The following NRXN1 variants were observed in gnomAD, a reference collection of about 807,000 sequenced individuals.
The protein encoded by NRXN1 is neurexin 1, also known as neurexin-1.
In NRXN1, 39 loss-of-function variants were observed where a neutral mutation model predicts 150.9. The observed-to-expected ratio is 0.26, with a 90% CI of 0.20 to 0.34. NRXN1 has a LOEUF of 0.34. Among genes scored for constraint, NRXN1 ranks in the 10% least tolerant of loss-of-function variants. The pLI is 1.00. For missense variants in NRXN1, 1,815 were observed against 1,949.9 expected, an observed-to-expected ratio of 0.93 and a Z score of 1.30; for synonymous variants, 924 against 757.0, an observed-to-expected ratio of 1.22 and a Z score of -3.62.
intron 18 of NRXN1, among the ~76,000 whole-genome samples, chr2:50,111,500 C>T (rs1048703845): frequency 6.0e-4 from 91 of 151,998 alleles, no homozygotes; most frequent in African/African-American, 2.1e-3. Context: ...TTAGCAGGGC[C>T]TGGTGGTATG....
At chr2:50,557,320 C>A (rs1558933372) in intron 8 of NRXN1, among the ~76,000 whole-genome samples, 1 of 152,132 alleles carries the variant, frequency 6.6e-6, no homozygotes, top group Non-Finnish European at 1.5e-5. Flanking sequence ...CTTTTCATTA[C>A]TTAACTATGG....
In NRXN1 at chr2:50,850,252, T is replaced by C. The variant is rs865944030; in HGVS notation, c.832+71617A>G. On this transcript the variant is annotated intron_variant, in intron 5 of 22. Transcript: ENST00000401669. ...GACAGAAAAAAAAAAAAAAAAAAGG[T>C]GTTTTGTTGTTGTTGCTGTTGTTTG... Among the ~76,000 whole-genome samples, 7 of 136,126 alleles carry C rather than the reference T, an allele frequency of 5.1e-5. No individual in the cohort carries two copies. In the East Asian group the frequency reaches 1.5e-3, roughly 30 times the overall value. The allele number at this position is 136,126 out of a possible 152,430, so 89.3% of individuals were successfully genotyped here.
chr2:50,739,267 T>C, intron 5 of NRXN1: 1 of 505,660 alleles, frequency 2.0e-6, no homozygotes, highest in East Asian at 5.6e-5. Context: ...GACTTACTTT[T>C]TGATTAAAAA....
In NRXN1 at chr2:50,895,805, C is replaced by T. The variant is rs560104639; in HGVS notation, c.832+26064G>A. Among the ~76,000 whole-genome samples, 10 of 152,056 alleles carry T rather than the reference C, an allele frequency of 6.6e-5. No homozygotes were observed. In the East Asian group the frequency reaches 1.9e-3, roughly 30 times the overall value. On this transcript the variant is annotated intron_variant, in intron 5 of 22. Transcript: ENST00000401669. ...ATGTCAGCCAGGCTTGTCCCAAACT[C>T]CTGATCTCAAGTAATCCACCCTCAT...
At chr2:50,843,328 G>A (rs1050430520) in intron 5 of NRXN1, among the ~76,000 whole-genome samples, 1 of 151,968 alleles carries the variant, frequency 6.6e-6, no homozygotes, top group Non-Finnish European at 1.5e-5. Flanking sequence ...TGAACAGAAG[G>A]TACAATATTT....
At position 50,091,205 on chromosome 2, in the gene NRXN1, A is replaced by G. The variant is rs1699506710; in HGVS notation, c.3718+118T>C. 11 of 1,180,236 alleles carry G rather than the reference A, an allele frequency of 9.3e-6. 1 individual carries two copies. The South Asian group carries it at 1.2e-4, about 13-fold the overall frequency. 73.1% of individuals were successfully genotyped at this position (1,180,236 alleles called of 1,614,324 possible). On this transcript the variant is annotated intron_variant, in intron 19 of 22. Transcript: ENST00000401669. ...TACATTCACATGACTCTAAAGTCCA[A>G]TAAATAGTTGATGGTTTCTCAGAAA... is the stretch of plus-strand genomic sequence containing the variant.
intron 18 of NRXN1, among the ~76,000 whole-genome samples, chr2:50,195,113 C>T (rs2061676151): frequency 6.6e-6 from 1 of 152,104 alleles, no homozygotes; most frequent in Admixed American, 6.6e-5. Context: ...TCAGATATAT[C>T]CTGGACTGAA....
chr2:51,005,779 C>T (rs1700635885), intron 2 of NRXN1, among the ~76,000 whole-genome samples: 1 of 151,842 alleles, frequency 6.6e-6, no homozygotes, highest in Non-Finnish European at 1.5e-5. Context: ...AATAAATCTC[C>T]ACCTATCAGT....
At chr2:49,998,572 A>C (rs1467795965) in intron 21 of NRXN1, among the ~76,000 whole-genome samples, 1 of 152,172 alleles carries the variant, frequency 6.6e-6, no homozygotes, top group Non-Finnish European at 1.5e-5. Flanking sequence ...TAACAATTAA[A>C]ATGTAAAATG....
chr2:50,901,871 A>G (rs1325015001), intron 5 of NRXN1, among the ~76,000 whole-genome samples: 3 of 152,226 alleles, frequency 2.0e-5, no homozygotes, highest in Admixed American at 6.5e-5. Flanking sequence ...AAAATGTTTA[A>G]AAATGTTTTC....
chr2:50,373,376 G>C (rs144778802), intron 17 of NRXN1, among the ~76,000 whole-genome samples: 380 of 147,772 alleles, frequency 2.6e-3, no homozygotes, highest in African/African-American at 8.9e-3. Context: ...GTGAGATCAG[G>C]ATAAAAATTG....
At chr2:50,887,679 A>C (rs1231192788) in intron 5 of NRXN1, among the ~76,000 whole-genome samples, 1 of 151,364 alleles carries the variant, frequency 6.6e-6, no homozygotes, top group Non-Finnish European at 1.5e-5. Context: ...TTTGGAATAC[A>C]TTTTTCATAA....
intron 18 of NRXN1, among the ~76,000 whole-genome samples, chr2:50,148,660 C>A (rs2058512231): frequency 6.6e-6 from 1 of 151,694 alleles, no homozygotes; most frequent in Admixed American, 6.6e-5. Context: ...GACTGACTGA[C>A]CCATGATTCA....
intron 13 of NRXN1, among the ~76,000 whole-genome samples, chr2:50,501,418 T>TGTGC (rs1158054900): frequency 6.6e-6 from 1 of 151,816 alleles, no homozygotes; most frequent in African/African-American, 2.4e-5. Context: ...TGTGTGTGTG[T>TGTGC]GTGTGTGTTT....
At chr2:50,827,044 T>G (rs941767494) in intron 5 of NRXN1, among the ~76,000 whole-genome samples, 1 of 152,074 alleles carries the variant, frequency 6.6e-6, no homozygotes, top group East Asian at 1.9e-4. Context: ...CAGAAAGTGT[T>G]TGAAGAAGAA....
At chr2:50,829,601 C>T in intron 5 of NRXN1, 1 of 1,611,956 alleles carries the variant, frequency 6.2e-7, no homozygotes, top group South Asian at 1.1e-5. Context: ...TGCTGGAGAG[C>T]CTTGAATATT....
rs199557987 is a variant in NRXN1 at position 50,497,705 on chromosome 2, G to T, written c.2507C>A (p.Ala836Glu). 1 of 1,607,874 alleles carries T rather than the reference G, an allele frequency of 6.2e-7. No individual in the cohort carries two copies. The highest frequency in any genetic ancestry group is 1.1e-5 in the South Asian group (1 of 90,416). ...DDQQAMTGQM[A>E]GDHTRLEFHN... ...GAACTCCAGCCTAGTATGATCACCT[G>T]CCATTTGACCTAAAAGAGAAGATAA... The change falls in exon 14 of 23, where the codon GCA becomes GAA. Residue 836 changes from alanine (A) to glutamate (E), a missense_variant. Physicochemically the swap from Ala to Glu is moderately radical, Grantham distance 107. Transcript: ENST00000401669.
At chr2:50,434,230 T>C (rs79202158) in intron 17 of NRXN1, among the ~76,000 whole-genome samples, 1,961 of 135,606 alleles carry the variant, frequency 0.014, 45 homozygotes, top group African/African-American at 0.051. Flanking sequence ...CGGCTAATTT[T>C]TTGTATTTTT....
At chr2:50,383,592 G>T (rs946953896) in intron 17 of NRXN1, among the ~76,000 whole-genome samples, 1 of 152,050 alleles carries the variant, frequency 6.6e-6, no homozygotes, top group Non-Finnish European at 1.5e-5. Flanking sequence ...TTGTGCATTG[G>T]CCACACCCCC....
Sources: gnomAD v4.1 joint callset for allele counts (sites outside exome capture counted in the v4.1 genomes callset) on GRCh38, gnomAD v4.1.1 for gene constraint, MANE v1.5 for transcripts, NCBI Gene and HGNC (gene_info 2026-07-23, HGNC 2026-07-21) for gene names.